Variants in IRF7 observed in about 807,000 individuals in gnomAD.
The protein encoded by IRF7 is interferon regulatory factor-7H.
Under a neutral mutation model 51.3 loss-of-function variants are expected in IRF7, and 67 were observed. That is an observed-to-expected ratio of 1.31 (90% CI 1.07 to 1.60). The LOEUF (loss-of-function observed/expected upper bound fraction) is 1.60. Among genes scored for constraint, IRF7 ranks in the 40% most tolerant of loss-of-function variants. The probability of loss-of-function intolerance (pLI) is 0.00; values close to 1 mark genes in which losing one functional copy is unlikely to be tolerated. For missense variants in IRF7, 873 were observed against 701.5 expected (o/e 1.24, Z -2.76); for synonymous variants, 427 against 301.3 (o/e 1.42, Z -4.32).
In IRF7 at chr11:614,929, G is replaced by C; in HGVS notation, c.262C>G (p.Arg88Gly). 1 of 1,582,370 alleles carries C rather than the reference G, an allele frequency of 6.3e-7. No individual in the cohort carries two copies. The highest frequency in any genetic ancestry group is 8.6e-7 in the Non-Finnish European group (1 of 1,166,986). ...CGGAAGTTGGTTTTCCAGCCGGCGC[G>C]CTCCGCAGTCTCAGCCTCGGGGGGC... ...GPPPEAETAERAGWKTNFRCA... is the reference protein window; with the variant it reads ...GPPPEAETAEGAGWKTNFRCA... The change falls in exon 4 of 11, where the codon CGC (arginine) becomes GGC (glycine). Residue 88 changes from arginine to glycine, a missense_variant. Arg to Gly is a moderately radical substitution (Grantham distance 125, BLOSUM62 -2). Transcript: ENST00000525445.
rs764365065 is a variant in IRF7 at position 613,219 on chromosome 11, T to A, written c.1224A>T (p.Arg408Ser). ...GGCCTCACTGACCTTGGAAGAAGAC[T>A]CTGAAGTCGAAGATGGGGGTGTCAC... ...RNCDTPIFDFRVFFQELVEFR... is the reference protein window; with the variant it reads ...RNCDTPIFDFSVFFQELVEFR... The change falls in exon 9 of 11, where the codon AGA (arginine) becomes AGT (serine). Residue 408 changes from arginine to serine, a missense_variant. By Grantham distance (110) the Arg-to-Ser change is moderately radical. Coordinates refer to ENST00000525445, the MANE Select transcript of IRF7 (RefSeq NM_001572.5). The A allele has an allele frequency of 1.0e-5, 16 of 1,589,754 alleles. No homozygotes were observed. Among genetic ancestry groups the A allele is most frequent in the Non-Finnish European group, 1.2e-5 (14 of 1,167,372 alleles).
At position 615,196 on chromosome 11, in the gene IRF7, C is replaced by G. The variant is rs11544075; in HGVS notation, c.84G>C (p.Glu28Asp). The G allele has an allele frequency of 2.5e-6, 4 of 1,602,622 alleles. No individual in the cohort carries two copies. The highest frequency in any genetic ancestry group is 3.4e-6 in the Non-Finnish European group (4 of 1,178,214). Residue 28 changes from glutamate (E) to aspartate (D), a missense_variant, in exon 3 of 11, where the codon GAG becomes GAC. Glu to Asp is a conservative substitution (Grantham distance 45, BLOSUM62 2). Coordinates refer to ENST00000525445, the MANE Select transcript of IRF7 (RefSeq NM_001572.5). ...GGGCCTCGTCCAGCCACTGCAGCCC[C>G]TCATAGCAGCCGCTGCTGATCTCTC... ...LLGEISSGCY[E>D]GLQWLDEART...
At position 612,572 on chromosome 11, in the gene IRF7, T is replaced by C. The variant is rs961703836; in HGVS notation, c.*73A>G. The C allele has an allele frequency of 1.3e-6, 2 of 1,562,158 alleles. No individual in the cohort carries two copies. The highest frequency in any genetic ancestry group is 1.7e-5 in the Admixed American group (1 of 58,156). On this transcript the variant is annotated 3_prime_UTR_variant, in exon 11 of 11. Coordinates refer to ENST00000525445, the MANE Select transcript of IRF7 (RefSeq NM_001572.5). ...CCAGTACGTGTTCTGGAGTTCTTTT[T>C]ATTAGACTGGGCGGCCGCGGCCAGC...
chr11:614,023 C>T lies in IRF7; in HGVS notation c.694G>A (p.Ala232Thr). 3.1e-6 allele frequency: 5 copies of T among 1,608,678 alleles called. No homozygotes were observed. The highest frequency in any genetic ancestry group is 4.2e-6 in the Non-Finnish European group (5 of 1,178,284). Reference protein sequence around the residue: ...GACAGGPGLPAGELYGWAVET... With the variant: ...GACAGGPGLPTGELYGWAVET... ...ACTGCCCACCCGTACAGCTCCCCAG[C>T]AGGGAGCCCTGGGCCTGAGGAGGGG... Residue 232 changes from alanine (A) to threonine (T), a missense_variant, in exon 7 of 11, where the codon GCT becomes ACT. Ala to Thr is a moderately conservative substitution (Grantham distance 58). Transcript: ENST00000525445.
chr11:612,878 G>GGGCGTCTGTCAGTGACCC (rs1856516545), intron 10 of IRF7, 78 bp from the exon 11 acceptor site: 3 of 1,589,364 alleles, frequency 1.9e-6, no homozygotes, highest in Admixed American at 3.4e-5. Context: ...TGAGGGCGTC[G>GGGCGTCTGTCAGTGACCC]GGCGTCTGTC....
At position 612,889 on chromosome 11, in the gene IRF7, A is replaced by G. The variant is rs376086789; in HGVS notation, c.1357-89T>C. 1.0e-3 allele frequency: 1,642 copies of G among 1,590,530 alleles called. 43 individuals are homozygous for G. In the South Asian group the frequency reaches 0.017, roughly 17 times the overall value. On this transcript the variant is annotated intron_variant, in intron 10 of 10. Transcript: ENST00000525445. ...GCTCTGAGGGCGTCGGGCGTCTGTC[A>G]GTGACCCGGTGTATGGCCTCCCCTC... is the stretch of plus-strand genomic sequence containing the variant.
chr11:615,647 C>G lies in IRF7; in HGVS notation c.-283G>C, dbSNP rs1224349259. 2.5e-6 allele frequency: 1 copy of G among 404,438 alleles called. No homozygotes were observed. The highest frequency in any genetic ancestry group is 4.4e-6 in the Non-Finnish European group (1 of 229,238). The allele number at this position is 404,438 out of a possible 1,614,324, so 25.1% of individuals were successfully genotyped here. A position where few individuals can be genotyped will look rare whatever the true frequency, so the allele number is the denominator to read the frequency against. The stretch of plus-strand genomic sequence containing the variant: ...CCTGGCGGGAAGGCGCAGGCCGGAC[C>G]CTGCGGAGACGGGAAAGGCGACGTC... On this transcript the variant is annotated splice_region_variant and 5_prime_UTR_variant, in exon 2 of 11. Coordinates refer to ENST00000525445, the MANE Select transcript of IRF7 (RefSeq NM_001572.5).
chr11:613,818 A>T lies in IRF7; in HGVS notation c.814T>A (p.Ser272Thr), dbSNP rs765482217. The change falls in exon 8 of 11, where the codon TCA becomes ACA. Residue 272 changes from serine (S) to threonine (T), a missense_variant. Physicochemically the swap from Ser to Thr is moderately conservative, Grantham distance 58 (BLOSUM62 1). Transcript: ENST00000525445. ...ESPHQAEPYL[S>T]PSPSACTAVQ... ...GCGGTGCAGGCGCTTGGGGAGGGTG[A>T]CAGGTACGGCTCTGCCTGGTGCGGG... The T allele has an allele frequency of 5.1e-6, 8 of 1,579,236 alleles. No homozygotes were observed. The East Asian group carries it at 1.8e-4, about 36-fold the overall frequency.
At position 613,453 on chromosome 11, in the gene IRF7, T is replaced by C. The variant is rs1856568499; in HGVS notation, c.990A>G (p.Ala330=). 2 of 1,550,338 alleles carry C rather than the reference T, an allele frequency of 1.3e-6. No individual in the cohort carries two copies. The highest frequency in any genetic ancestry group is 2.3e-5 in the East Asian group (1 of 44,290). ...AVRATDPQQV[A]FPSPAELPDQ... is the part of the protein sequence containing the mutation. ...CCGGGAGCTCGGCAGGGCTGGGGAATGCTACCTGCTGGGGGTCTGTGGCCC... is the reference window on the plus strand; with the variant it reads ...CCGGGAGCTCGGCAGGGCTGGGGAACGCTACCTGCTGGGGGTCTGTGGCCC... The change falls in exon 9 of 11, where the codon GCA becomes GCG. Residue 330 remains alanine (A), a synonymous_variant. Transcript: ENST00000525445.
At position 612,705 on chromosome 11, in the gene IRF7, G is replaced by A. The variant is rs144437378; in HGVS notation, c.1452C>T (p.Ser484=). ...CGATGTCGTCATAGAGGCTGTTGGC[G>A]CTGGACAGGCAGAGGCTGAGGCTGC... ...DSSSLSLCLS[S]ANSLYDDIEC... is the part of the protein sequence containing the mutation. Residue 484 remains serine, a synonymous_variant, in exon 11 of 11, where the codon AGC becomes AGT. Coordinates refer to ENST00000525445, the MANE Select transcript of IRF7 (RefSeq NM_001572.5). The A allele has an allele frequency of 5.0e-5, 81 of 1,612,948 alleles. No homozygotes were observed. Among genetic ancestry groups the A allele is most frequent in the Admixed American group, 1.8e-4 (11 of 60,022 alleles).
intron 8 of IRF7, 56 bp from the exon 9 acceptor site, chr11:613,651 ACGGGGGTGGG>A: frequency 2.7e-6 from 1 of 366,394 alleles, no homozygotes; most frequent in Non-Finnish European, 3.9e-6. Flanking sequence ...GCTGTGAGTG[ACGGGGGTGGG>A]CGGGGACAGG....
At position 613,392 on chromosome 11, in the gene IRF7, G is replaced by A. The variant is rs746541898; in HGVS notation, c.1051C>T (p.Arg351Trp). The change falls in exon 9 of 11, where the codon CGG (arginine) becomes TGG (tryptophan). Residue 351 changes from arginine (R) to tryptophan (W), a missense_variant. By Grantham distance (101) the Arg-to-Trp change is moderately radical. Transcript: ENST00000525445. The part of the protein sequence containing the change: ...KQLRYTEELL[R>W]HVAPGLHLEL... ...AGGTGCAACCCAGGGGCCACGTGCC[G>A]CAGCAGTTCCTCCGTGTAGCGCAGC... 14 of 1,596,480 alleles carry A rather than the reference G, an allele frequency of 8.8e-6. No individual in the cohort carries two copies. Among genetic ancestry groups the A allele is most frequent in the African/African-American group, 1.4e-5 (1 of 74,062 alleles).
rs1856791660 is a variant in IRF7, at chr11:615,495, G to C, written c.-131C>G. ...AGGTGTCACAGGTGTCCACAGGTGTGGACTGAGGGCTTGTAGCCACCGACG... is the reference window on the plus strand; with the variant it reads ...AGGTGTCACAGGTGTCCACAGGTGTCGACTGAGGGCTTGTAGCCACCGACG... On this transcript the variant is annotated 5_prime_UTR_variant, in exon 2 of 11. Transcript: ENST00000525445. The C allele has an allele frequency of 5.5e-6, 6 of 1,082,416 alleles. No individual in the cohort carries two copies. The highest frequency in any genetic ancestry group is 7.7e-6 in the Non-Finnish European group (6 of 782,686). The allele number at this position is 1,082,416 out of a possible 1,614,324, so 67.1% of individuals were successfully genotyped here. A position where few individuals can be genotyped will look rare whatever the true frequency, so the allele number is the denominator to read the frequency against.
In IRF7 at chr11:614,203, CCTT is replaced by C. The variant is rs781611280; in HGVS notation, c.647_649del (p.Glu216del). On this transcript the variant is annotated inframe_deletion, in exon 6 of 11. Transcript: ENST00000525445. ...AGCACAGGCCCCAGTCAGGGGAAGC[CCTT>C]CTTGTCCCTCTCCAGGAGCCTTGGT... 4.3e-5 allele frequency: 69 copies of C among 1,612,804 alleles called. No homozygotes were observed. Among genetic ancestry groups the C allele is most frequent in the Non-Finnish European group, 5.7e-5 (67 of 1,179,928 alleles).
At position 615,178 on chromosome 11, in the gene IRF7, G is replaced by A. The variant is rs878869194; in HGVS notation, c.102C>T (p.Asp34=). Residue 34 remains aspartate (D), a synonymous_variant, in exon 3 of 11, where the codon GAC becomes GAT. Transcript: ENST00000525445. ...SGCYEGLQWL[D]EARTCFRVPW... ...GCACGCGGAAACAGGTGCGGGCCTC[G>A]TCCAGCCACTGCAGCCCCTCATAGC... The A allele has an allele frequency of 1.9e-6, 3 of 1,603,406 alleles. No individual in the cohort carries two copies. Among genetic ancestry groups the A allele is most frequent in the African/African-American group, 2.7e-5 (2 of 74,966 alleles).
At position 613,083 on chromosome 11, in the gene IRF7, G is replaced by C. The variant is rs747554292; in HGVS notation, c.1272C>G (p.Gly424=). 1 of 1,613,112 alleles carries C rather than the reference G, an allele frequency of 6.2e-7. No homozygotes were observed. The highest frequency in any genetic ancestry group is 2.2e-5 in the East Asian group (1 of 44,890). Residue 424 remains glycine, a synonymous_variant, in exon 10 of 11, where the codon GGC becomes GGG. Transcript: ENST00000525445. ...LVEFRARQRR[G]SPRYTIYLGF... is the part of the protein sequence containing the mutation. The stretch of plus-strand genomic sequence containing the variant: ...CCAGGTAGATGGTATAGCGTGGGGA[G>C]CCACGGCGCTGCCGTGCCCGGAATT...
chr11:615,044 G>T, intron 3 of IRF7, 37 bp from the exon 4 acceptor site: 1 of 1,549,376 alleles, frequency 6.5e-7, no homozygotes, highest in Non-Finnish European at 8.7e-7. Context: ...CCGGGCCCGC[G>T]GGGTCCTAGG....
chr11:614,513 G>T lies in IRF7; in HGVS notation c.416C>A (p.Thr139Asn). The change falls in exon 5 of 11, where the codon ACT becomes AAT. Residue 139 changes from threonine (T) to asparagine (N), a missense_variant. Physicochemically the swap from Thr to Asn is moderately conservative, Grantham distance 65. Coordinates refer to ENST00000525445, the MANE Select transcript of IRF7 (RefSeq NM_001572.5). ...CWREGPGTDQ[T>N]EAEAPAAVPP... ...GACAGCTGCGGGGGCCTCTGCCTCA[G>T]TCTGGTCCGTGCCTGGGCCTTCTGA... 1 of 1,556,682 alleles carries T rather than the reference G, an allele frequency of 6.4e-7. No individual in the cohort carries two copies. The highest frequency in any genetic ancestry group is 1.2e-5 in the South Asian group (1 of 84,572).
In IRF7 at chr11:614,193, C is replaced by T. The variant is rs76107421; in HGVS notation, c.660G>A (p.Leu220=). The change falls in exon 6 of 11, where the codon CTG becomes CTA. Residue 220 remains leucine (L), a synonymous_variant. Coordinates refer to ENST00000525445, the MANE Select transcript of IRF7 (RefSeq NM_001572.5). ...CCACACCTCCAGCACAGGCCCCAGT[C>T]AGGGGAAGCCCTTCTTGTCCCTCTC... ...APGEGQEGLP[L]TGACAGGPGL... is the part of the protein sequence containing the mutation. 7.1e-4 allele frequency: 1,150 copies of T among 1,612,802 alleles called. 6 individuals are homozygous for T. In the African/African-American group the frequency reaches 0.014, roughly 19 times the overall value.
Sources: allele counts gnomAD v4.1 joint callset, GRCh38; gene constraint gnomAD v4.1.1; transcripts MANE v1.5; gene names NCBI Gene and HGNC (gene_info 2026-07-23, HGNC 2026-07-21).